Variants in DISP3 observed in about 807,000 individuals in gnomAD.
The protein encoded by DISP3 is dispatched RND transporter family member 3, also known as protein dispatched homolog 3.
A neutral mutation model predicts 135.3 loss-of-function variants in DISP3; 101 were observed. That is an observed-to-expected ratio of 0.75 (90% confidence interval 0.64 to 0.88). The LOEUF is 0.88. DISP3 is among the 40% of genes least tolerant of loss of function. The pLI, the probability that DISP3 is intolerant of heterozygous loss-of-function variation, is 0.00. For missense variants in DISP3, 1,713 were observed against 1,878.6 expected (o/e 0.91, Z 1.63); for synonymous variants, 856 against 817.0 (o/e 1.05, Z -0.81).
At position 11,501,065 on chromosome 1, in the gene DISP3, GGTGAAA is replaced by G; in HGVS notation, c.74_79del (p.Gly25_Thr27delinsAla). The G allele has an allele frequency of 6.2e-7, 1 of 1,614,140 alleles. No individual in the cohort carries two copies. Among genetic ancestry groups the G allele is most frequent in the Non-Finnish European group, 8.5e-7 (1 of 1,180,012 alleles). ...GGAGCAGGAGGAGGAAGAAGCAACG[GGTGAAA>G]CCTTTTTAGGGGCCCAGAAGCCAGG... On this transcript the variant is annotated inframe_deletion, in exon 2 of 21. Transcript: ENST00000294484. This position sits in a 1 kb window ranked among gnomAD's most constrained non-coding sequence, Gnocchi z 4.9.
At chr1:11,527,340 C>G (rs746647401) in intron 13 of DISP3, among the ~76,000 whole-genome samples, 5 of 152,146 alleles carry the variant, frequency 3.3e-5, no homozygotes, top group Non-Finnish European at 7.4e-5. Context: ...ACGAGGTCAG[C>G]CGATCGAGAC....
In DISP3 at chr1:11,520,365, C is replaced by T. The variant is rs1642149065; in HGVS notation, c.2201-322C>T. Among the ~76,000 whole-genome samples, 1 of 152,154 alleles carries T rather than the reference C, an allele frequency of 6.6e-6. No individual in the cohort carries two copies. Among genetic ancestry groups the T allele is most frequent in the African/African-American group, 2.4e-5 (1 of 41,430 alleles). On this transcript the variant is annotated intron_variant, in intron 9 of 20. Coordinates refer to ENST00000294484, the MANE Select transcript of DISP3 (RefSeq NM_020780.2). This position sits in a 1 kb window ranked among gnomAD's most constrained non-coding sequence, Gnocchi z 4.8. ...ATCATTGTCATCTTCGACACTATTT[C>T]AGAGTTGTGTGAGATCAAGTAGTGC...
intron 1 of DISP3, among the ~76,000 whole-genome samples, chr1:11,495,679 C>T (rs1038855918): frequency 3.5e-4 from 53 of 152,176 alleles, no homozygotes; most frequent in Non-Finnish European, 1.8e-4. Flanking sequence ...GTCCAGTGGG[C>T]CATTAGCTAC....
At chr1:11,494,784 G>A (rs1641285069) in intron 1 of DISP3, among the ~76,000 whole-genome samples, 1 of 152,210 alleles carries the variant, frequency 6.6e-6, no homozygotes, top group Non-Finnish European at 1.5e-5. Flanking sequence ...CATATACGTA[G>A]TTTAAGTCAA....
rs1336016278 is a variant in DISP3 at position 11,524,027 on chromosome 1, G to T, written c.2448G>T (p.Trp816Cys). ...EKKRRGSGVP[W>C]ASRPEATLQD... ...AGAGGCGAGGCTCAGGGGTCCCCTGGGCTAGCCGGCCTGAGGCCACCCTGC... is the reference window on the plus strand; with the variant it reads ...AGAGGCGAGGCTCAGGGGTCCCCTGTGCTAGCCGGCCTGAGGCCACCCTGC... The change falls in exon 11 of 21, where the codon TGG becomes TGT. Residue 816 changes from tryptophan to cysteine, a missense_variant. This residue lies in a region of DISP3 where 1,142 missense variants were observed against 1,384.6 expected (regional missense o/e 0.82). Coordinates refer to ENST00000294484, the MANE Select transcript of DISP3 (RefSeq NM_020780.2). 1.2e-6 allele frequency: 2 copies of T among 1,613,348 alleles called. No homozygotes were observed. Among genetic ancestry groups the T allele is most frequent in the South Asian group, 1.1e-5 (1 of 91,064 alleles).
At chr1:11,497,925 G>GC (rs1181388526) in intron 1 of DISP3, among the ~76,000 whole-genome samples, 1 of 152,036 alleles carries the variant, frequency 6.6e-6, no homozygotes, top group Non-Finnish European at 1.5e-5. Context: ...ATATCTGACT[G>GC]CCCCCCCTCC....
intron 12 of DISP3, among the ~76,000 whole-genome samples, chr1:11,526,220 G>A (rs1441858025): frequency 6.6e-6 from 1 of 152,196 alleles, no homozygotes; most frequent in African/African-American, 2.4e-5. Context: ...ACTCCTAGGT[G>A]CTCGTTCAGG....
At chr1:11,533,596 T>C in intron 17 of DISP3, 1 of 609,360 alleles carries the variant, frequency 1.6e-6, no homozygotes, top group Non-Finnish European at 3.0e-6. Flanking sequence ...GTTCACCATG[T>C]TGCAGCAAGT....
At chr1:11,523,381 AC>A (rs1642302746) in intron 10 of DISP3, among the ~76,000 whole-genome samples, 1 of 152,016 alleles carries the variant, frequency 6.6e-6, no homozygotes, top group Non-Finnish European at 1.5e-5. Context: ...GTGATGTCCC[AC>A]CCCCGAGGGA....
intron 3 of DISP3, among the ~76,000 whole-genome samples, chr1:11,513,350 T>C (rs1258750719): frequency 1.3e-5 from 2 of 152,224 alleles, no homozygotes; most frequent in Admixed American, 1.3e-4. Flanking sequence ...ATTTCAGTTT[T>C]TGTCTATCTA....
At chr1:11,490,601 T>TAAGC (rs1641157833) in intron 1 of DISP3, among the ~76,000 whole-genome samples, 1 of 152,100 alleles carries the variant, frequency 6.6e-6, no homozygotes, top group Non-Finnish European at 1.5e-5. Flanking sequence ...TCCATTGTCT[T>TAAGC]TTCCTCATTG....
At position 11,501,346 on chromosome 1, in the gene DISP3, T is replaced by C. The variant is rs999959379; in HGVS notation, c.354T>C (p.Arg118=). Reference sequence around the variant, plus strand: ...TCCGCAACCACGAGGCCTCACAGCGTTTCGACGCTCTCACTCTGGCGCTTA... The same window carrying C: ...TCCGCAACCACGAGGCCTCACAGCGCTTCGACGCTCTCACTCTGGCGCTTA... ...FEIRNHEASQ[R]FDALTLALKS... The change falls in exon 2 of 21, where the codon CGT becomes CGC. Residue 118 remains arginine (R), a synonymous_variant. Coordinates refer to ENST00000294484, the MANE Select transcript of DISP3 (RefSeq NM_020780.2). This position sits in a 1 kb window ranked among gnomAD's most constrained non-coding sequence, Gnocchi z 4.9. The C allele has an allele frequency of 1.9e-6, 3 of 1,613,320 alleles. No homozygotes were observed. In the African/African-American group the frequency reaches 4.0e-5, roughly 22 times the overall value.
At chr1:11,497,855 TTC>T (rs1382258993) in intron 1 of DISP3, among the ~76,000 whole-genome samples, 1 of 152,200 alleles carries the variant, frequency 6.6e-6, no homozygotes, top group African/African-American at 2.4e-5. Context: ...CAGGGGAAAG[TTC>T]TATTGAATAC....
At chr1:11,502,617 A>AG in intron 2 of DISP3, 61 bp from the exon 3 acceptor site, 1 of 1,366,716 alleles carries the variant, frequency 7.3e-7, no homozygotes, top group Middle Eastern at 2.4e-4. Flanking sequence ...GATGACCTTG[A>AG]GGGAGGGTTG....
intron 17 of DISP3, among the ~76,000 whole-genome samples, chr1:11,532,235 G>C (rs1642593679): frequency 6.6e-6 from 1 of 152,208 alleles, no homozygotes; most frequent in Admixed American, 6.5e-5. Context: ...TGGGCACTGT[G>C]GGGACTCTCG....
In DISP3 at chr1:11,520,164, G is replaced by A. The variant is rs1254172938; in HGVS notation, c.2200+284G>A. Among the ~76,000 whole-genome samples, 2 of 152,054 alleles carry A rather than the reference G, an allele frequency of 1.3e-5. No individual in the cohort carries two copies. The highest frequency in any genetic ancestry group is 6.5e-5 in the Admixed American group (1 of 15,280). On this transcript the variant is annotated intron_variant, in intron 9 of 20. Transcript: ENST00000294484. The surrounding 1 kb of genome is among the most constrained non-coding windows in gnomAD (Gnocchi z 4.8). Reference sequence around the variant, plus strand: ...CCACTTGAGTCTGAGTCCCAGTTTGGCCGCGTCCTAGCTGTGTGAATTTGG... The same window carrying A: ...CCACTTGAGTCTGAGTCCCAGTTTGACCGCGTCCTAGCTGTGTGAATTTGG...
intron 17 of DISP3, chr1:11,533,681 A>G (rs1382081498): frequency 1.2e-5 from 8 of 672,464 alleles, no homozygotes; most frequent in East Asian, 2.7e-5. Flanking sequence ...ACTCAGGCTC[A>G]CCACACGGCA....
chr1:11,492,560 A>C, intron 1 of DISP3, among the ~76,000 whole-genome samples: 2 of 149,460 alleles, frequency 1.3e-5, no homozygotes, highest in Non-Finnish European at 1.5e-5. Flanking sequence ...TCCTCTCCCC[A>C]CCCCCACCTG....
At position 11,499,666 on chromosome 1, in the gene DISP3, C is replaced by T. The variant is rs577743287; in HGVS notation, c.-3-1324C>T. ...CAGTCATTCTTCCTTTCTGTTTCTT[C>T]TTTTGTTTCCCTATTTGCATCTCAG... is the stretch of plus-strand genomic sequence containing the variant. On this transcript the variant is annotated intron_variant, in intron 1 of 20. Transcript: ENST00000294484. The surrounding 1 kb of genome is among the most constrained non-coding windows in gnomAD (Gnocchi z 5.2). Among the ~76,000 whole-genome samples the T allele has an allele frequency of 8.5e-5, 13 of 152,240 alleles. No homozygotes were observed. The South Asian group carries it at 2.7e-3, about 32-fold the overall frequency.
Sources: allele counts gnomAD v4.1 joint callset (sites outside exome capture counted in the v4.1 genomes callset), GRCh38; gene constraint gnomAD v4.1.1; regional missense constraint gnomAD v4.1.1; non-coding constraint Gnocchi (gnomAD v3.1); transcripts MANE v1.5; gene names NCBI Gene and HGNC (gene_info 2026-07-23, HGNC 2026-07-21).